Variants in AFF1 observed in about 807,000 individuals in gnomAD.
AFF1 encodes ALF transcription elongation factor 1, also known as AF4/FMR2 family member 1.
In AFF1, 48 loss-of-function variants were observed where a neutral mutation model predicts 121.7. That is an observed-to-expected ratio of 0.39 (90% CI 0.31 to 0.50). The LOEUF is 0.50. Ranked by LOEUF, AFF1 falls within the 20% of genes least tolerant of loss-of-function variation. The probability of loss-of-function intolerance (pLI) is 0.76; values close to 1 mark genes in which losing one functional copy is unlikely to be tolerated. For synonymous variants in AFF1, 613 were observed against 563.0 expected (o/e 1.09, Z -1.26); for missense variants, 1,523 against 1,511.7 (o/e 1.01, Z -0.12).
At chr4:86,959,507 T>TTTTC (rs1553909414) in intron 2 of AFF1, among the ~76,000 whole-genome samples, 2 of 145,986 alleles carry the variant, frequency 1.4e-5, no homozygotes, top group Non-Finnish European at 3.0e-5. Context: ...TTTTTTTTTT[T>TTTTC]CCCAATGTGA....
chr4:86,971,978 A>G (rs906837649), intron 2 of AFF1, among the ~76,000 whole-genome samples: 1 of 151,912 alleles, frequency 6.6e-6, no homozygotes. Flanking sequence ...CTCTACAAAA[A>G]CTTCAAAAGA....
chr4:86,972,726 G>T (rs572112022), intron 2 of AFF1, among the ~76,000 whole-genome samples: 1 of 152,120 alleles, frequency 6.6e-6, no homozygotes, highest in South Asian at 2.1e-4. Flanking sequence ...TTTTAGTAGA[G>T]ACAGGGTTTT....
intron 2 of AFF1, among the ~76,000 whole-genome samples, chr4:86,998,698 T>TGA (rs1725442263): frequency 6.6e-6 from 1 of 152,210 alleles, no homozygotes; most frequent in Non-Finnish European, 1.5e-5. Context: ...TCTGATACTA[T>TGA]GAATGTCTTC....
intron 2 of AFF1, among the ~76,000 whole-genome samples, chr4:86,991,483 A>ATTTGTTTACAAAATATATAT (rs1680338565): frequency 3.3e-5 from 5 of 152,178 alleles, no homozygotes; most frequent in African/African-American, 9.6e-5. Flanking sequence ...CAACATATAT[A>ATTTGTTTACAAAATATATAT]GCCTTCTGCA....
At chr4:87,131,364 C>A (rs968052014) in intron 17 of AFF1, 145 bp downstream of exon 17, 6 of 1,105,662 alleles carry the variant, frequency 5.4e-6, no homozygotes, top group Non-Finnish European at 7.7e-6. Flanking sequence ...AGTGTTTGTC[C>A]TGAAGTTGCG....
chr4:87,127,533 C>G (rs1728405264), intron 15 of AFF1, 110 bp from the exon 16 acceptor site: 1 of 948,414 alleles, frequency 1.1e-6, no homozygotes, highest in Non-Finnish European at 1.7e-6. Flanking sequence ...TGTTTACCCT[C>G]TCTCCTCCCC....
rs1720430339 is a variant in AFF1 at position 86,941,242 on chromosome 4, G to A, written c.-37+6002G>A. On this transcript the variant is annotated intron_variant, in intron 1 of 20. Coordinates refer to ENST00000395146, the MANE Select transcript of AFF1 (RefSeq NM_001166693.3). The stretch of plus-strand genomic sequence containing the variant: ...ATAATTTGAAACAGCCAGGTACAGT[G>A]CCTCATGCCTGTAATCGCAGCACTT... Among the ~76,000 whole-genome samples the A allele has an allele frequency of 2.6e-5, 4 of 152,198 alleles. 1 individual carries two copies. The East Asian group carries it at 5.8e-4, about 22-fold the overall frequency.
At chr4:86,985,177 A>G (rs865981442) in intron 2 of AFF1, among the ~76,000 whole-genome samples, 4,205 of 97,090 alleles carry the variant, frequency 0.043, 331 homozygotes, top group African/African-American at 0.16. Flanking sequence ...TATAATATGT[A>G]TTACTATATA....
Position 87,134,534 on chromosome 4 carries a change from G to T in AFF1, c.3375G>T (p.Gln1125His), listed in dbSNP as rs886580356. The change falls in exon 20 of 21, where the codon CAG becomes CAT. Residue 1125 changes from glutamine (Q) to histidine (H), a missense_variant. Gln to His is a conservative substitution (Grantham distance 24, BLOSUM62 0). Around this residue, in one of 5 missense-constraint regions of AFF1, gnomAD observed 241 missense variants for 265.2 expected, o/e 0.91. Coordinates refer to ENST00000395146, the MANE Select transcript of AFF1 (RefSeq NM_001166693.3). ...MPSPASSVGSQSSAGSVGSSG... is the reference protein window; with the variant it reads ...MPSPASSVGSHSSAGSVGSSG... Reference sequence around the variant, plus strand: ...CTCCTGCCAGCTCCGTAGGGTCCCAGTCAAGTGCTGGCAGTGTGGGGAGCA... The same window carrying T: ...CTCCTGCCAGCTCCGTAGGGTCCCATTCAAGTGCTGGCAGTGTGGGGAGCA... 1 of 1,613,970 alleles carries T rather than the reference G, an allele frequency of 6.2e-7. No homozygotes were observed. Among genetic ancestry groups the T allele is most frequent in the Non-Finnish European group, 8.5e-7 (1 of 1,179,952 alleles).
intron 4 of AFF1, among the ~76,000 whole-genome samples, chr4:87,053,502 C>T (rs2149632287): frequency 1.3e-5 from 2 of 152,336 alleles, no homozygotes; most frequent in South Asian, 4.1e-4. Flanking sequence ...TTAATTTAAA[C>T]CTCAAGAAGA....
chr4:86,974,359 A>G (rs1209898707), intron 2 of AFF1, among the ~76,000 whole-genome samples: 1 of 152,142 alleles, frequency 6.6e-6, no homozygotes, highest in Non-Finnish European at 1.5e-5. Context: ...CATGTTGGCC[A>G]GATTGGACTC....
chr4:86,975,302 G>T (rs1723224728), intron 2 of AFF1, among the ~76,000 whole-genome samples: 1 of 152,064 alleles, frequency 6.6e-6, no homozygotes, highest in Non-Finnish European at 1.5e-5. Context: ...CCAGGCTGGA[G>T]TGCAGTGGTG....
chr4:87,112,354 G>C (rs948645400), intron 11 of AFF1, among the ~76,000 whole-genome samples: 2 of 152,092 alleles, frequency 1.3e-5, no homozygotes, highest in Non-Finnish European at 2.9e-5. Context: ...AAATTCAGAT[G>C]ACAGCATGAG....
chr4:87,046,260 A>T lies in AFF1; in HGVS notation c.133A>T (p.Ile45Phe). ...HQEKEAFPEKIPLFGEPYKTA... is the reference protein window; with the variant it reads ...HQEKEAFPEKFPLFGEPYKTA... ...AGAGAAAGAGGCATTTCCTGAAAAG[A>T]TTCCCCTTTTTGGAGAGCCCTACAA... The change falls in exon 3 of 21, where the codon ATT becomes TTT. Residue 45 changes from isoleucine to phenylalanine, a missense_variant. By Grantham distance (21) the Ile-to-Phe change is conservative (BLOSUM62 0). Coordinates refer to ENST00000395146, the MANE Select transcript of AFF1 (RefSeq NM_001166693.3). The T allele has an allele frequency of 2.5e-6, 4 of 1,613,740 alleles. No homozygotes were observed. The highest frequency in any genetic ancestry group is 3.4e-6 in the Non-Finnish European group (4 of 1,179,922).
chr4:87,069,399 T>C (rs551873110), intron 4 of AFF1, among the ~76,000 whole-genome samples: 1 of 149,376 alleles, frequency 6.7e-6, no homozygotes, highest in African/African-American at 2.5e-5. Context: ...ATCTCCTCTC[T>C]TTTCTGTCTC....
At chr4:87,032,584 A>G (rs1008905033) in intron 2 of AFF1, among the ~76,000 whole-genome samples, 21 of 152,226 alleles carry the variant, frequency 1.4e-4, no homozygotes, top group African/African-American at 4.8e-4. Context: ...GTTGTTTGCT[A>G]GGAGCCTAGA....
chr4:87,068,058 A>C (rs558510194), intron 4 of AFF1, among the ~76,000 whole-genome samples: 79 of 123,396 alleles, frequency 6.4e-4, no homozygotes, highest in African/African-American at 2.4e-3. Flanking sequence ...AAAATACTAA[A>C]GTGACTGTTA....
chr4:87,015,170 C>A (rs547939067), intron 2 of AFF1, among the ~76,000 whole-genome samples: 1 of 152,258 alleles, frequency 6.6e-6, no homozygotes, highest in South Asian at 2.1e-4. Flanking sequence ...TATATTTTTT[C>A]AGGTAATTTT....
At chr4:86,967,830 G>T (rs1298682041) in intron 2 of AFF1, among the ~76,000 whole-genome samples, 3 of 152,164 alleles carry the variant, frequency 2.0e-5, no homozygotes, top group Non-Finnish European at 4.4e-5. Context: ...CTGGCAAGTG[G>T]AGATGTTAAG....
Sources: gnomAD v4.1 joint callset for allele counts (sites outside exome capture counted in the v4.1 genomes callset) on GRCh38, gnomAD v4.1.1 for gene constraint, gnomAD v4.1.1 regional missense constraint, MANE v1.5 for transcripts, NCBI Gene and HGNC (gene_info 2026-07-23, HGNC 2026-07-21) for gene names.